The following ATP6V1E1 variants were observed in gnomAD, a reference collection of about 807,000 sequenced individuals.
The protein encoded by ATP6V1E1 is V-type proton ATPase subunit E 1.
In ATP6V1E1, 21 loss-of-function variants were observed where a neutral mutation model predicts 35.2. The observed-to-expected ratio is 0.60, with a 90% CI of 0.42 to 0.86. The LOEUF (loss-of-function observed/expected upper bound fraction) is 0.86, where lower values mean the gene tolerates loss of function less well. ATP6V1E1 is among the 40% of genes least tolerant of loss of function. The pLI, the probability that ATP6V1E1 is intolerant of heterozygous loss-of-function variation, is 0.00. For missense variants in ATP6V1E1, 183 were observed against 272.6 expected (o/e 0.67, Z 2.32); for synonymous variants, 83 against 87.8 (o/e 0.95, Z 0.30).
chr22:17,628,790 A>C (rs5746448), upstream of ATP6V1E1: 138,452 of 969,014 alleles, frequency 0.14, 11,473 homozygotes, highest in Non-Finnish European at 0.17. Flanking sequence ...TGCACAGTTC[A>C]TCCTCATGAC....
intron 4 of ATP6V1E1, among the ~76,000 whole-genome samples, chr22:17,610,116 A>G (rs931757179): frequency 7.4e-6 from 1 of 135,784 alleles, no homozygotes; most frequent in African/African-American, 2.8e-5. Flanking sequence ...TAGCCAGACC[A>G]TGCCTCTTAA....
chr22:17,626,034 C>T (rs373063918), intron 1 of ATP6V1E1, among the ~76,000 whole-genome samples: 37 of 152,024 alleles, frequency 2.4e-4, no homozygotes, highest in African/African-American at 8.2e-4. Flanking sequence ...TGGCCAGGCG[C>T]GGTAGCTCAT....
At chr22:17,615,089 T>A (rs1048411140) in intron 2 of ATP6V1E1, among the ~76,000 whole-genome samples, 1 of 150,538 alleles carries the variant, frequency 6.6e-6, no homozygotes, top group East Asian at 2.0e-4. Context: ...GATCACAAGG[T>A]CGGGAGTTCA....
intron 4 of ATP6V1E1, among the ~76,000 whole-genome samples, chr22:17,603,788 C>G (rs558460213): frequency 3.3e-5 from 5 of 152,342 alleles, no homozygotes; most frequent in Admixed American, 1.3e-4. Context: ...GATACACACC[C>G]TGTCTATAAG....
intron 6 of ATP6V1E1, among the ~76,000 whole-genome samples, chr22:17,599,547 A>G (rs1341432097): frequency 7.3e-6 from 1 of 136,518 alleles, no homozygotes; most frequent in Non-Finnish European, 1.5e-5. Context: ...ATTGCACTCC[A>G]GCCTGGGAAA....
chr22:17,610,269 C>T (rs1038199229), intron 4 of ATP6V1E1, among the ~76,000 whole-genome samples: 13 of 151,936 alleles, frequency 8.6e-5, no homozygotes, highest in African/African-American at 2.7e-4. Flanking sequence ...AAAATATAAA[C>T]AAGTGGATTA....
chr22:17,628,502 G>A lies in ATP6V1E1; in HGVS notation c.33+101C>T, dbSNP rs2057937384. On this transcript the variant is annotated intron_variant, in intron 1 of 8. Coordinates refer to ENST00000253413, the MANE Select transcript of ATP6V1E1 (RefSeq NM_001696.4). Reference sequence around the variant, plus strand: ...ACTTGGAGCAAGGGACCTTCCTGCGGCATCTGGGCGGCTCAAGGCCCGCGG... The same window carrying A: ...ACTTGGAGCAAGGGACCTTCCTGCGACATCTGGGCGGCTCAAGGCCCGCGG... 4.0e-6 allele frequency: 6 copies of A among 1,503,412 alleles called. No individual in the cohort carries two copies. The Admixed American group carries it at 1.0e-4, about 25-fold the overall frequency. The allele number at this position is 1,503,412 out of a possible 1,614,324, so 93.1% of individuals were successfully genotyped here.
chr22:17,606,228 CCCTT>C (rs1208698005), intron 4 of ATP6V1E1, among the ~76,000 whole-genome samples: 1 of 152,072 alleles, frequency 6.6e-6, no homozygotes, highest in Non-Finnish European at 1.5e-5. Flanking sequence ...TGTATTTTTC[CCCTT>C]CCTTCCATCT....
intron 2 of ATP6V1E1, among the ~76,000 whole-genome samples, chr22:17,614,377 T>C (rs1392626829): frequency 1.3e-5 from 1 of 75,298 alleles, no homozygotes; most frequent in East Asian, 3.0e-4. Flanking sequence ...AAATAAAGGC[T>C]AGGCATGGTG....
At chr22:17,613,352 A>G (rs1312558487) in intron 2 of ATP6V1E1, 32 bp from the exon 3 acceptor site, 1 of 1,579,762 alleles carries the variant, frequency 6.3e-7, no homozygotes, top group Middle Eastern at 1.7e-4. Flanking sequence ...TTAATTCATT[A>G]CATCAAGTTT....
At chr22:17,610,382 A>C (rs2057809516) in intron 4 of ATP6V1E1, among the ~76,000 whole-genome samples, 1 of 152,196 alleles carries the variant, frequency 6.6e-6, no homozygotes, top group Non-Finnish European at 1.5e-5. Context: ...CCAGTTATGA[A>C]AGGTCGGTAT....
At chr22:17,610,955 A>C (rs1358371239) in intron 4 of ATP6V1E1, among the ~76,000 whole-genome samples, 1 of 152,208 alleles carries the variant, frequency 6.6e-6, no homozygotes, top group African/African-American at 2.4e-5. Flanking sequence ...AGCACTCTGA[A>C]CCAAACATCA....
intron 1 of ATP6V1E1, 44 bp downstream of exon 1, chr22:17,628,559 G>A (rs2057938229): frequency 3.1e-6 from 5 of 1,613,424 alleles, no homozygotes; most frequent in Admixed American, 1.7e-5. Flanking sequence ...CCCACTCCCC[G>A]GGACTGCCGC....
At chr22:17,616,446 A>G (rs995780292) in intron 2 of ATP6V1E1, among the ~76,000 whole-genome samples, 7 of 152,208 alleles carry the variant, frequency 4.6e-5, no homozygotes, top group Non-Finnish European at 8.8e-5. Flanking sequence ...TGGGAGGCCA[A>G]GGCAGGTGGA....
intron 1 of ATP6V1E1, among the ~76,000 whole-genome samples, chr22:17,622,747 C>T (rs1403613116): frequency 6.6e-6 from 1 of 152,040 alleles, no homozygotes; most frequent in Non-Finnish European, 1.5e-5. Flanking sequence ...GGGTAGATCT[C>T]CTGAGGTTGG....
chr22:17,600,856 T>C, intron 5 of ATP6V1E1: 1 of 326,976 alleles, frequency 3.1e-6, no homozygotes, highest in South Asian at 6.5e-5. Context: ...GACTACATAA[T>C]TGAGTAGTAG....
At chr22:17,611,805 T>A (rs192589678) in intron 4 of ATP6V1E1, among the ~76,000 whole-genome samples, 184 of 152,348 alleles carry the variant, frequency 1.2e-3, no homozygotes, top group African/African-American at 4.0e-3. Flanking sequence ...CAGTTCTCAC[T>A]GCCACCATCG....
In ATP6V1E1 at chr22:17,619,462, T is replaced by C. The variant is rs1321622081; in HGVS notation, c.98A>G (p.Lys33Arg). 3.1e-6 allele frequency: 5 copies of C among 1,603,716 alleles called. No homozygotes were observed. Among genetic ancestry groups the C allele is most frequent in the Non-Finnish European group, 4.3e-6 (5 of 1,174,654 alleles). The change falls in exon 2 of 9, where the codon AAG becomes AGG. Residue 33 changes from lysine (K) to arginine (R), a missense_variant and splice_region_variant. By Grantham distance (26) the Lys-to-Arg change is conservative (BLOSUM62 2). Transcript: ENST00000253413. ...TTAAAACTAGAAAATGAATCTCACCTTTGCATCTATTTCTTCTGCTTTCTC... is the reference window on the plus strand; with the variant it reads ...TTAAAACTAGAAAATGAATCTCACCCTTGCATCTATTTCTTCTGCTTTCTC... The part of the protein sequence containing the change: ...ANEKAEEIDA[K>R]AEEEFNIEKG...
At chr22:17,598,325 A>G in intron 6 of ATP6V1E1, 37 bp from the exon 7 acceptor site, 1 of 1,507,166 alleles carries the variant, frequency 6.6e-7, no homozygotes, top group South Asian at 1.1e-5. Context: ...TGTCACTAGG[A>G]ACTATGAAGC....
Sources: allele counts gnomAD v4.1 joint callset (sites outside exome capture counted in the v4.1 genomes callset), GRCh38; gene constraint gnomAD v4.1.1; transcripts MANE v1.5; gene names NCBI Gene and HGNC (gene_info 2026-07-23, HGNC 2026-07-21).